Variants in FAM120A observed in about 807,000 individuals in gnomAD.
FAM120A encodes the protein constitutive coactivator of PPAR-gamma-like protein 1.
FAM120A carries 15 observed loss-of-function variants against 109.7 expected under a neutral mutation model. The observed-to-expected ratio is 0.14, with a 90% CI of 0.09 to 0.21. The LOEUF (loss-of-function observed/expected upper bound fraction) is 0.21. Among genes scored for constraint, FAM120A ranks in the 10% least tolerant of loss-of-function variants. FAM120A has a pLI of 1.00. For missense variants in FAM120A, 899 were observed against 1,439.3 expected, an observed-to-expected ratio of 0.62 and a Z score of 6.07; for synonymous variants, 493 against 572.8, an observed-to-expected ratio of 0.86 and a Z score of 1.99.
chr9:93,545,966 C>T (rs1204138267), intron 11 of FAM120A, among the ~76,000 whole-genome samples: 2 of 151,044 alleles, frequency 1.3e-5, no homozygotes, highest in African/African-American at 4.9e-5. Flanking sequence ...TTGTATTTTT[C>T]GTAGAGATGG....
intron 11 of FAM120A, among the ~76,000 whole-genome samples, chr9:93,549,049 A>C (rs563756537): frequency 6.6e-6 from 1 of 151,740 alleles, no homozygotes; most frequent in South Asian, 2.1e-4. Context: ...TCTCAAAAAA[A>C]ACAAAACAAA....
At chr9:93,493,224 G>A (rs1385702534) in intron 3 of FAM120A, among the ~76,000 whole-genome samples, 1 of 152,200 alleles carries the variant, frequency 6.6e-6, no homozygotes, top group East Asian at 1.9e-4. Flanking sequence ...GAGTGGTATG[G>A]TCTTGTTTTT....
intron 7 of FAM120A, 81 bp from the exon 8 acceptor site, chr9:93,527,074 G>T (rs1861115460): frequency 9.5e-7 from 1 of 1,057,694 alleles, no homozygotes; most frequent in Non-Finnish European, 1.5e-6. Context: ...TGAGCCTGAA[G>T]ACTTAGCTGA....
At position 93,452,374 on chromosome 9, in the gene FAM120A, C is replaced by T. The variant is rs368893571; in HGVS notation, c.459C>T (p.Ile153=). 5.0e-6 allele frequency: 8 copies of T among 1,609,274 alleles called. No individual in the cohort carries two copies. The highest frequency in any genetic ancestry group is 5.9e-6 in the Non-Finnish European group (7 of 1,178,516). The change falls in exon 1 of 18, where the codon ATC becomes ATT. Residue 153 remains isoleucine, a synonymous_variant. Coordinates refer to ENST00000277165, the MANE Select transcript of FAM120A (RefSeq NM_014612.5). The surrounding 1 kb of genome is among the most constrained non-coding windows in gnomAD (Gnocchi z 7.0). The part of the protein sequence containing the change: ...CMAHCIRLAL[I]RFHVKVAQSI... ...CCCACTGCATCCGCCTGGCGCTCAT[C>T]CGCTTCCACGTCAAGGTGAGGCCGG...
intron 1 of FAM120A, among the ~76,000 whole-genome samples, chr9:93,454,946 G>C (rs1857485765): frequency 6.6e-6 from 1 of 152,194 alleles, no homozygotes; most frequent in African/African-American, 2.4e-5. Flanking sequence ...TTGCTTGTGG[G>C]AATGCAGAAT....
intron 7 of FAM120A, chr9:93,523,426 T>A: frequency 1.4e-6 from 1 of 733,442 alleles, no homozygotes; most frequent in Non-Finnish European, 2.0e-6. Flanking sequence ...TTTCAGATTG[T>A]TATGCTCTTG....
intron 5 of FAM120A, among the ~76,000 whole-genome samples, chr9:93,501,785 A>G (rs1256595836): frequency 6.6e-6 from 1 of 152,344 alleles, no homozygotes; most frequent in Admixed American, 6.5e-5. Context: ...CAAGCTGCAT[A>G]CACATGATTT....
At chr9:93,462,462 A>G (rs1857836431) in intron 1 of FAM120A, among the ~76,000 whole-genome samples, 1 of 152,142 alleles carries the variant, frequency 6.6e-6, no homozygotes, top group Non-Finnish European at 1.5e-5. Flanking sequence ...TTGTATTTTT[A>G]GTAGAGACAG....
chr9:93,488,409 C>T (rs779530619), intron 3 of FAM120A, among the ~76,000 whole-genome samples: 4 of 152,036 alleles, frequency 2.6e-5, no homozygotes, highest in Non-Finnish European at 5.9e-5. Flanking sequence ...GCTTGGCTTT[C>T]CACATGTCAG....
intron 15 of FAM120A, among the ~76,000 whole-genome samples, chr9:93,559,217 CTT>C (rs2131568012): frequency 6.6e-6 from 1 of 152,308 alleles, no homozygotes; most frequent in East Asian, 1.9e-4. Context: ...CAGTGCTTCT[CTT>C]TGCATTTGTA....
At chr9:93,479,558 C>G (rs1327207906) in intron 3 of FAM120A, among the ~76,000 whole-genome samples, 1 of 152,126 alleles carries the variant, frequency 6.6e-6, no homozygotes, top group African/African-American at 2.4e-5. Context: ...CCAGTATACT[C>G]TGTTAGAAAG....
intron 5 of FAM120A, among the ~76,000 whole-genome samples, chr9:93,503,872 G>A (rs1022932251): frequency 4.6e-5 from 7 of 151,930 alleles, no homozygotes; most frequent in African/African-American, 1.5e-4. Context: ...TAAAGAGCTC[G>A]TTGATTTGTG....
chr9:93,564,719 C>A lies in FAM120A; in HGVS notation c.*179C>A. ...TTAAACAACACATTTTTAGTTTTAACCAGTTGTAGTCAAAATGCTACAATA... is the reference window on the plus strand; with the variant it reads ...TTAAACAACACATTTTTAGTTTTAAACAGTTGTAGTCAAAATGCTACAATA... On this transcript the variant is annotated 3_prime_UTR_variant, in exon 18 of 18. Transcript: ENST00000277165. 1 of 523,582 alleles carries A rather than the reference C, an allele frequency of 1.9e-6. No individual in the cohort carries two copies. The highest frequency in any genetic ancestry group is 3.7e-5 in the South Asian group (1 of 26,918). The allele number at this position is 523,582 out of a possible 1,614,324, so 32.4% of individuals were successfully genotyped here. A position where few individuals can be genotyped will look rare whatever the true frequency, so the allele number is the denominator to read the frequency against.
At chr9:93,490,335 C>A (rs1427037604) in intron 3 of FAM120A, among the ~76,000 whole-genome samples, 2 of 152,168 alleles carry the variant, frequency 1.3e-5, no homozygotes, top group African/African-American at 2.4e-5. Context: ...ATCATTTAAT[C>A]ATTGTTTTGT....
rs185508036 is a variant in FAM120A at position 93,555,306 on chromosome 9, T to G, written c.2275-1076T>G. 1.4e-3 allele frequency among the ~76,000 whole-genome samples: 208 copies of G among 152,256 alleles called. 4 individuals carry two copies. Among genetic ancestry groups the G allele is most frequent in the Admixed American group, 0.013 (206 of 15,294 alleles). On this transcript the variant is annotated intron_variant, in intron 12 of 17. Transcript: ENST00000277165. ...ACAGACTTCTCCAGGTTTTGGAAGGTCAACTGTATTGTGAAAATTTAAAAA... is the reference window on the plus strand; with the variant it reads ...ACAGACTTCTCCAGGTTTTGGAAGGGCAACTGTATTGTGAAAATTTAAAAA...
chr9:93,515,110 G>A (rs551143814), intron 5 of FAM120A, among the ~76,000 whole-genome samples: 1 of 141,182 alleles, frequency 7.1e-6, no homozygotes, highest in Non-Finnish European at 1.6e-5. Context: ...GTTAAAATGT[G>A]TAACCTAATT....
Position 93,505,051 on chromosome 9 carries a change from GTTTTTTTTTT to G in FAM120A, c.1030+6183_1030+6192del, listed in dbSNP as rs768552939. ...ATGCTTGTTCATGTTGTTCGCTTGT[GTTTTTTTTTT>G]TTTTTTTTTTTTTTTTTGAGAAGGA... On this transcript the variant is annotated intron_variant, in intron 5 of 17. Transcript: ENST00000277165. 1.7e-3 allele frequency among the ~76,000 whole-genome samples: 140 copies of G among 81,292 alleles called. 2 individuals carry two copies. In the East Asian group the frequency reaches 0.019, roughly 11 times the overall value. 53.3% of individuals were successfully genotyped at this position (81,292 alleles called of 152,430 possible).
intron 14 of FAM120A, 70 bp from the exon 15 acceptor site, chr9:93,558,511 G>A: frequency 6.4e-7 from 1 of 1,572,248 alleles, no homozygotes; most frequent in Non-Finnish European, 8.6e-7. Flanking sequence ...CACTCTGCCT[G>A]AATACCCAGC....
intron 7 of FAM120A, among the ~76,000 whole-genome samples, chr9:93,525,957 T>G (rs1257024246): frequency 6.6e-6 from 1 of 152,260 alleles, no homozygotes; most frequent in South Asian, 2.1e-4. Context: ...CAGCTTTTTT[T>G]CCCCCTTTTT....
Sources: gnomAD v4.1 joint callset for allele counts (sites outside exome capture counted in the v4.1 genomes callset) on GRCh38, gnomAD v4.1.1 for gene constraint, Gnocchi (gnomAD v3.1) non-coding constraint, MANE v1.5 for transcripts, NCBI Gene and HGNC (gene_info 2026-07-23, HGNC 2026-07-21) for gene names.